Variants in HOOK1 observed in about 807,000 individuals in gnomAD.
The protein encoded by HOOK1 is hook microtubule tethering protein 1, also known as protein Hook homolog 1.
HOOK1 carries 60 observed loss-of-function variants against 112.8 expected under a neutral mutation model. That is an observed-to-expected ratio of 0.53 (90% CI 0.43 to 0.66). HOOK1 has a LOEUF of 0.66. Among genes scored for constraint, HOOK1 ranks in the 30% least tolerant of loss-of-function variants. The pLI is 0.00. For synonymous variants in HOOK1, 294 were observed against 283.8 expected (o/e 1.04, Z -0.36); for missense variants, 770 against 856.0 (o/e 0.90, Z 1.25).
At chr1:59,816,952 C>G (rs1374582487) in intron 1 of HOOK1, among the ~76,000 whole-genome samples, 1 of 152,190 alleles carries the variant, frequency 6.6e-6, no homozygotes, top group Non-Finnish European at 1.5e-5. Context: ...TCACATTCCT[C>G]TTAGCAAACC....
chr1:59,843,596 C>A lies in HOOK1; in HGVS notation c.786C>A (p.Phe262Leu), dbSNP rs760113226. The A allele has an allele frequency of 5.6e-6, 9 of 1,593,082 alleles. No homozygotes were observed. The East Asian group carries it at 1.8e-4, about 32-fold the overall frequency. Reference sequence around the variant, plus strand: ...TAGAACAATTACAGGAAGAAAACTTCAGGTAGCATTTTTAATGGAAATCAT... The same window carrying A: ...TAGAACAATTACAGGAAGAAAACTTAAGGTAGCATTTTTAATGGAAATCAT... Reference protein sequence around the residue: ...LQLEQLQEENFRLEAAKDDYR... With the variant: ...LQLEQLQEENLRLEAAKDDYR... The change falls in exon 9 of 22, where the codon TTC (phenylalanine) becomes TTA (leucine). Residue 262 changes from phenylalanine to leucine, a missense_variant and splice_region_variant. Around this residue, in one of 3 missense-constraint regions of HOOK1, gnomAD observed 655 missense variants for 725.9 expected, o/e 0.90. Transcript: ENST00000371208.
At chr1:59,818,279 C>G (rs896078965) in intron 1 of HOOK1, among the ~76,000 whole-genome samples, 4 of 152,136 alleles carry the variant, frequency 2.6e-5, no homozygotes, top group Non-Finnish European at 5.9e-5. Context: ...GGAGATAAGA[C>G]AGTTGGGAAT....
intron 19 of HOOK1, among the ~76,000 whole-genome samples, chr1:59,866,315 C>CA (rs1643963588): frequency 6.6e-6 from 1 of 152,116 alleles, no homozygotes; most frequent in South Asian, 2.1e-4. Flanking sequence ...TCTAAGAATA[C>CA]AATTTTTCTA....
rs139841246 is a variant in HOOK1, at chr1:59,872,171, G to T, written c.2017-624G>T. Among the ~76,000 whole-genome samples, 744 of 152,262 alleles carry T rather than the reference G, an allele frequency of 4.9e-3. 2 individuals are homozygous for T. The highest frequency in any genetic ancestry group is 0.011 in the Admixed American group (163 of 15,288). ...AAGTTCAGTAAAATTGTGTTATGTG[G>T]TCTAGTGGGAGAGTAATGACTTCCC... On this transcript the variant is annotated intron_variant, in intron 21 of 21. Coordinates refer to ENST00000371208, the MANE Select transcript of HOOK1 (RefSeq NM_015888.6).
chr1:59,843,337 T>G, intron 8 of HOOK1, 95 bp from the exon 9 acceptor site: 1 of 801,624 alleles, frequency 1.2e-6, no homozygotes, highest in Non-Finnish European at 1.9e-6. Context: ...AATGGCTTAG[T>G]CAGATCTAGA....
At position 59,847,122 on chromosome 1, in the gene HOOK1, A is replaced by T; in HGVS notation, c.866A>T (p.Asn289Ile). Reference sequence around the variant, plus strand: ...CAGCTAATCGAATTCCAGCATAGGAATGATGAATTGACTAGTCTTGCAGAA... The same window carrying T: ...CAGCTAATCGAATTCCAGCATAGGATTGATGAATTGACTAGTCTTGCAGAA... Reference protein sequence around the residue: ...EKQLIEFQHRNDELTSLAEET... With the variant: ...EKQLIEFQHRIDELTSLAEET... Residue 289 changes from asparagine (N) to isoleucine (I), a missense_variant, in exon 10 of 22, where the codon AAT (asparagine) becomes ATT (isoleucine). Coordinates refer to ENST00000371208, the MANE Select transcript of HOOK1 (RefSeq NM_015888.6). 6.2e-7 allele frequency: 1 copy of T among 1,608,298 alleles called. No individual in the cohort carries two copies. Among genetic ancestry groups the T allele is most frequent in the Non-Finnish European group, 8.5e-7 (1 of 1,176,830 alleles).
At chr1:59,848,593 G>A (rs1473463574) in intron 11 of HOOK1, 77 bp downstream of exon 11, 42 of 1,007,276 alleles carry the variant, frequency 4.2e-5, no homozygotes, top group Middle Eastern at 2.8e-4. Context: ...TCTTAAGAAT[G>A]GTAAAGAAAT....
At chr1:59,843,680 A>G in intron 9 of HOOK1, 82 bp downstream of exon 9, 1 of 1,073,296 alleles carries the variant, frequency 9.3e-7, no homozygotes, top group Non-Finnish European at 1.3e-6. Flanking sequence ...ACAGCTAATT[A>G]CTAAGCATTG....
chr1:59,832,064 C>T, intron 3 of HOOK1, 99 bp from the exon 4 acceptor site: 1 of 635,420 alleles, frequency 1.6e-6, no homozygotes, highest in East Asian at 2.9e-5. Context: ...TTTTGTTGTT[C>T]TTTTTAATTA....
chr1:59,856,266 C>T (rs573626215), intron 12 of HOOK1, among the ~76,000 whole-genome samples: 1 of 151,124 alleles, frequency 6.6e-6, no homozygotes, highest in South Asian at 2.1e-4. Flanking sequence ...TTTTTCATAT[C>T]ATTTATTGTT....
At chr1:59,815,933 C>T (rs996773836) in intron 1 of HOOK1, among the ~76,000 whole-genome samples, 3 of 152,062 alleles carry the variant, frequency 2.0e-5, no homozygotes, top group African/African-American at 7.2e-5. Context: ...GCATATCTGT[C>T]CCCAGATTGT....
intron 21 of HOOK1, among the ~76,000 whole-genome samples, chr1:59,871,908 T>C (rs1409434785): frequency 1.3e-5 from 2 of 152,166 alleles, no homozygotes; most frequent in African/African-American, 2.4e-5. Flanking sequence ...GGGTAAAATA[T>C]TGCTTAAAGG....
intron 7 of HOOK1, among the ~76,000 whole-genome samples, chr1:59,838,738 A>G (rs2098399389): frequency 6.6e-6 from 1 of 152,116 alleles, no homozygotes; most frequent in South Asian, 2.1e-4. Context: ...TTTTGTTGCC[A>G]TTGCTTTTGG....
chr1:59,824,719 A>C (rs1375712341), intron 2 of HOOK1, among the ~76,000 whole-genome samples: 1 of 152,238 alleles, frequency 6.6e-6, no homozygotes, highest in African/African-American at 2.4e-5. Flanking sequence ...TAACTTAGAC[A>C]TAAAGAGTCA....
rs2098412174 is a variant in HOOK1, at chr1:59,859,055, T to A, written c.1391+10T>A. The A allele has an allele frequency of 2.9e-6, 4 of 1,398,688 alleles. No homozygotes were observed. Among genetic ancestry groups the A allele is most frequent in the Non-Finnish European group, 3.9e-6 (4 of 1,033,954 alleles). 86.6% of individuals were successfully genotyped at this position (1,398,688 alleles called of 1,614,324 possible). On this transcript the variant is annotated intron_variant, in intron 14 of 21. Coordinates refer to ENST00000371208, the MANE Select transcript of HOOK1 (RefSeq NM_015888.6). ...TGCCAGTGGAATATAGGTAAATTTG[T>A]TTCATAATTTGATAGAATTATATTT...
rs781338597 is a variant in HOOK1 at position 59,860,160 on chromosome 1, TA to T, written c.1392-22del. On this transcript the variant is annotated intron_variant, in intron 14 of 21. Coordinates refer to ENST00000371208, the MANE Select transcript of HOOK1 (RefSeq NM_015888.6). Reference sequence around the variant, plus strand: ...TATAATGACTCATATTTTTAAAAATTAAAAAAGATTTTGCTTTGTAACATCA... The same window carrying T: ...TATAATGACTCATATTTTTAAAAATTAAAAAGATTTTGCTTTGTAACATCA... 2.0e-6 allele frequency: 3 copies of T among 1,536,062 alleles called. No homozygotes were observed. The East Asian group carries it at 7.0e-5, about 36-fold the overall frequency.
chr1:59,859,902 A>G (rs570902788), intron 14 of HOOK1, among the ~76,000 whole-genome samples: 5 of 152,258 alleles, frequency 3.3e-5, no homozygotes, highest in African/African-American at 9.6e-5. Flanking sequence ...CAGGAATGGC[A>G]TAATAACAAT....
At chr1:59,869,260 C>A (rs746230120) in intron 20 of HOOK1, among the ~76,000 whole-genome samples, 1 of 151,642 alleles carries the variant, frequency 6.6e-6, no homozygotes, top group Non-Finnish European at 1.5e-5. Flanking sequence ...GGCGTAATCT[C>A]AGCTCACTGC....
At chr1:59,864,274 T>C (rs1387060873) in intron 16 of HOOK1, among the ~76,000 whole-genome samples, 1 of 151,928 alleles carries the variant, frequency 6.6e-6, no homozygotes, top group Non-Finnish European at 1.5e-5. Context: ...TTATTCTGAA[T>C]AAATGATTTT....
Sources: allele counts gnomAD v4.1 joint callset (sites outside exome capture counted in the v4.1 genomes callset), GRCh38; gene constraint gnomAD v4.1.1; regional missense constraint gnomAD v4.1.1; transcripts MANE v1.5; gene names NCBI Gene and HGNC (gene_info 2026-07-23, HGNC 2026-07-21).